Variants in GMDS observed in about 807,000 individuals in gnomAD.
GMDS encodes GDP-mannose 4,6-dehydratase.
GMDS carries 20 observed loss-of-function variants against 49.9 expected under a neutral mutation model. The ratio of observed to expected loss-of-function variants is 0.40; its 90% CI spans 0.28 to 0.58. GMDS has a LOEUF of 0.58. GMDS is among the 20% of genes least tolerant of loss of function. The pLI is 0.42. For synonymous variants in GMDS, 177 were observed against 178.6 expected (o/e 0.99, Z 0.07); for missense variants, 362 against 481.4 (o/e 0.75, Z 2.32).
At chr6:1,733,935 C>T (rs1307401363) in intron 8 of GMDS, among the ~76,000 whole-genome samples, 3 of 151,646 alleles carry the variant, frequency 2.0e-5, no homozygotes, top group African/African-American at 4.8e-5. Context: ...GGGCTGAGGC[C>T]ATAGGCCAGG....
In GMDS at chr6:1,635,993, C is replaced by T. The variant is rs1481597175; in HGVS notation, c.988-11453G>A. Among the ~76,000 whole-genome samples, 4 of 152,160 alleles carry T rather than the reference C, an allele frequency of 2.6e-5. No individual in the cohort carries two copies. The East Asian group carries it at 7.7e-4, about 29-fold the overall frequency. On this transcript the variant is annotated intron_variant, in intron 9 of 10. Transcript: ENST00000380815. This position sits in a 1 kb window ranked among gnomAD's most constrained non-coding sequence, Gnocchi z 4.7. ...GTCGCATTTCCAGAGTAACCTGCCA[C>T]CGTGGCAGCCCTCCTCATCACAAAG...
intron 7 of GMDS, among the ~76,000 whole-genome samples, chr6:1,844,775 G>A (rs1400253107): frequency 2.0e-5 from 3 of 152,176 alleles, no homozygotes; most frequent in South Asian, 2.1e-4. Flanking sequence ...AGTGCATCTC[G>A]AAATGACTTT....
intron 7 of GMDS, among the ~76,000 whole-genome samples, chr6:1,890,447 A>T (rs1047766754): frequency 6.6e-6 from 1 of 152,058 alleles, no homozygotes; most frequent in East Asian, 1.9e-4. Context: ...TTGAGTTGTA[A>T]GAGTTCTTTA....
rs187153123 is a variant in GMDS at position 1,777,196 on chromosome 6, C to T, written c.772-34610G>A. On this transcript the variant is annotated intron_variant, in intron 7 of 10. Transcript: ENST00000380815. ...GGCAGTGAAACAGGTTACGTGGCTC[C>T]TGCTGGGTGGCAGAAGACATGGAGG... Among the ~76,000 whole-genome samples the T allele has an allele frequency of 5.9e-4, 90 of 152,380 alleles. 2 individuals are homozygous for T. The East Asian group carries it at 0.014, about 24-fold the overall frequency.
chr6:2,076,447 T>C (rs1472520999), intron 4 of GMDS, among the ~76,000 whole-genome samples: 3 of 152,130 alleles, frequency 2.0e-5, no homozygotes, highest in Non-Finnish European at 2.9e-5. Context: ...GAGCCCACAT[T>C]GCCAAGCCAA....
intron 4 of GMDS, among the ~76,000 whole-genome samples, chr6:2,065,811 T>C (rs545400860): frequency 6.6e-6 from 1 of 152,278 alleles, no homozygotes; most frequent in Admixed American, 6.5e-5. Flanking sequence ...TACCTGAAAG[T>C]CACGGGGAGA....
intron 4 of GMDS, among the ~76,000 whole-genome samples, chr6:1,990,038 T>C (rs1554142326): frequency 1.3e-5 from 2 of 152,270 alleles, no homozygotes; most frequent in Non-Finnish European, 1.5e-5. Flanking sequence ...GGCTCACGCC[T>C]GTAATCCCAG....
intron 7 of GMDS, among the ~76,000 whole-genome samples, chr6:1,883,615 A>T (rs898283964): frequency 3.3e-5 from 5 of 152,186 alleles, no homozygotes; most frequent in Non-Finnish European, 7.3e-5. Context: ...TTTTGCTGAA[A>T]AAAATCTAGG....
rs185537118 is a variant in GMDS, at chr6:1,639,194, C to T, written c.988-14654G>A. Among the ~76,000 whole-genome samples, 35 of 152,266 alleles carry T rather than the reference C, an allele frequency of 2.3e-4. No homozygotes were observed. The East Asian group carries it at 3.9e-3, about 17-fold the overall frequency. On this transcript the variant is annotated intron_variant, in intron 9 of 10. Transcript: ENST00000380815. ...GAGGGCTGTGTGGTGGCCTCCACAA[C>T]GCACCATGTTAAGGATGCCACTGAG...
chr6:1,689,264 C>T (rs1017621967), intron 9 of GMDS, among the ~76,000 whole-genome samples: 4 of 152,176 alleles, frequency 2.6e-5, no homozygotes, highest in Admixed American at 2.0e-4. Context: ...TCCTCTTCAT[C>T]GGACTGCTCC....
intron 6 of GMDS, among the ~76,000 whole-genome samples, chr6:1,933,202 G>C (rs531302847): frequency 6.6e-6 from 1 of 152,210 alleles, no homozygotes; most frequent in Non-Finnish European, 1.5e-5. Flanking sequence ...ACTGTAGCTT[G>C]AATCAGTACA....
chr6:1,922,398 C>T (rs1006490571), intron 7 of GMDS, among the ~76,000 whole-genome samples: 1 of 152,184 alleles, frequency 6.6e-6, no homozygotes, highest in African/African-American at 2.4e-5. Context: ...TACTCTCCTG[C>T]ATATGAACAA....
intron 9 of GMDS, among the ~76,000 whole-genome samples, chr6:1,655,959 G>A (rs907422298): frequency 5.3e-5 from 8 of 152,130 alleles, no homozygotes; most frequent in East Asian, 3.8e-4. Context: ...GTGATGTCAC[G>A]CACACCCCAC....
rs925155120 is a variant in GMDS at position 1,824,914 on chromosome 6, T to C, written c.772-82328A>G. On this transcript the variant is annotated intron_variant, in intron 7 of 10. Transcript: ENST00000380815. ...TTTTCCTGCCTCCCAAATATGATTT[T>C]AGAAGTCAGGGGCATGCACTATCAT... Among the ~76,000 whole-genome samples the C allele has an allele frequency of 3.9e-5, 6 of 152,192 alleles. No individual in the cohort carries two copies. The South Asian group carries it at 8.3e-4, about 21-fold the overall frequency.
chr6:2,134,753 G>C (rs1337501909), intron 1 of GMDS, among the ~76,000 whole-genome samples: 1 of 152,106 alleles, frequency 6.6e-6, no homozygotes, highest in Non-Finnish European at 1.5e-5. Context: ...ATATAGTTAA[G>C]TCAACTATTT....
intron 1 of GMDS, among the ~76,000 whole-genome samples, chr6:2,178,260 G>C (rs1177521430): frequency 6.6e-6 from 1 of 152,138 alleles, no homozygotes; most frequent in Admixed American, 6.5e-5. Context: ...TGTTTAATTG[G>C]CTCACGGTTC....
intron 1 of GMDS, among the ~76,000 whole-genome samples, chr6:2,229,406 T>TATA (rs1187739931): frequency 2.0e-5 from 1 of 50,832 alleles, no homozygotes; most frequent in African/African-American, 1.3e-4. Context: ...ACCCTGTTTC[T>TATA]ACAAAAAAAA....
At chr6:1,997,844 T>C (rs189206126) in intron 4 of GMDS, among the ~76,000 whole-genome samples, 4 of 152,092 alleles carry the variant, frequency 2.6e-5, no homozygotes, top group Non-Finnish European at 5.9e-5. Flanking sequence ...AAGCAGGCTA[T>C]GAAGGGTCAA....
At chr6:2,056,312 C>T (rs1465341227) in intron 4 of GMDS, among the ~76,000 whole-genome samples, 1 of 152,168 alleles carries the variant, frequency 6.6e-6, no homozygotes, top group Non-Finnish European at 1.5e-5. Flanking sequence ...AGGTGGTAAA[C>T]AGTAAGGCAG....
Sources: allele counts gnomAD v4.1 joint callset (sites outside exome capture counted in the v4.1 genomes callset), GRCh38; gene constraint gnomAD v4.1.1; non-coding constraint Gnocchi (gnomAD v3.1); transcripts MANE v1.5; gene names NCBI Gene and HGNC (gene_info 2026-07-23, HGNC 2026-07-21).